FCN3: variants seen among roughly 807,000 people sequenced by gnomAD.
FCN3 encodes the protein ficolin 3.
A neutral mutation model predicts 31.5 loss-of-function variants in FCN3; 28 were observed. The ratio of observed to expected loss-of-function variants is 0.89; its 90% CI spans 0.66 to 1.22. FCN3 has a LOEUF of 1.22. Among genes scored for constraint, FCN3 ranks in the 50% most tolerant of loss-of-function variants. The pLI, the probability that FCN3 is intolerant of heterozygous loss-of-function variation, is 0.00. For missense variants in FCN3, 351 were observed against 386.8 expected, an observed-to-expected ratio of 0.91 and a Z score of 0.78; for synonymous variants, 124 against 147.4, an observed-to-expected ratio of 0.84 and a Z score of 1.15.
chr1:27,373,505 A>T lies in FCN3; in HGVS notation c.248T>A (p.Leu83Gln), dbSNP rs1446783531. Residue 83 changes from leucine (L) to glutamine (Q), a missense_variant, in exon 4 of 8, where the codon CTG (leucine) becomes CAG (glutamine). Transcript: ENST00000270879. ...TGCCTCACCTTCCTGGCACCGGAGCAGGTTCACTGGATCTCCTGCCCCAGA... is the reference window on the plus strand; with the variant it reads ...TGCCTCACCTTCCTGGCACCGGAGCTGGTTCACTGGATCTCCTGCCCCAGA... The part of the protein sequence containing the change: ...PKGEPGDPVN[L>Q]LRCQEGPRNC... 7.4e-6 allele frequency: 12 copies of T among 1,614,106 alleles called. No homozygotes were observed. The highest frequency in any genetic ancestry group is 9.3e-6 in the Non-Finnish European group (11 of 1,179,994).
chr1:27,370,847 G>A lies in FCN3; in HGVS notation c.519C>T (p.Leu173=). The part of the protein sequence containing the change: ...LGNENLHQLT[L]QGNWELRVEL... The stretch of plus-strand genomic sequence containing the variant: ...AGGACCCTGCTGGGAACTCACCCTG[G>A]AGAGTAAGCTGGTGCAAATTCTCAT... The change falls in exon 6 of 8, where the codon CTC becomes CTT. Residue 173 remains leucine, a synonymous_variant. Transcript: ENST00000270879. 1.2e-6 allele frequency: 2 copies of A among 1,614,120 alleles called. No individual in the cohort carries two copies. The highest frequency in any genetic ancestry group is 1.3e-5 in the African/African-American group (1 of 75,040).
rs369494256 is a variant in FCN3, at chr1:27,374,402, G to A, written c.141C>T (p.Pro47=). The A allele has an allele frequency of 2.5e-5, 40 of 1,613,714 alleles. No homozygotes were observed. Among genetic ancestry groups the A allele is most frequent in the African/African-American group, 9.4e-5 (7 of 74,842 alleles). ...ASKVVLLPSC[P]GAPGSPGEKG... is the part of the protein sequence containing the mutation. Reference sequence around the variant, plus strand: ...TCTCCCCAGGACTTCCTGGAGCTCCGGGACAACTGGGCAGGAGGACAACTT... The same window carrying A: ...TCTCCCCAGGACTTCCTGGAGCTCCAGGACAACTGGGCAGGAGGACAACTT... Residue 47 remains proline (P), a synonymous_variant, in exon 2 of 8, where the codon CCC becomes CCT. Coordinates refer to ENST00000270879, the MANE Select transcript of FCN3 (RefSeq NM_003665.4).
chr1:27,369,998 G>A (rs560441234), intron 7 of FCN3, among the ~76,000 whole-genome samples: 10 of 140,268 alleles, frequency 7.1e-5, no homozygotes, highest in African/African-American at 1.9e-4. Context: ...GCCTCCCTGC[G>A]CTCCCCCCGC....
intron 7 of FCN3, among the ~76,000 whole-genome samples, chr1:27,370,012 T>TC (rs1274000782): frequency 1.3e-5 from 2 of 149,256 alleles, no homozygotes; most frequent in Non-Finnish European, 3.0e-5. Flanking sequence ...CCCCCGCCTT[T>TC]TTTTTTTTTT....
chr1:27,371,258 A>C (rs997243677), intron 5 of FCN3, among the ~76,000 whole-genome samples: 4 of 152,032 alleles, frequency 2.6e-5, no homozygotes, highest in African/African-American at 9.7e-5. Context: ...GCTGGGTGTC[A>C]GTCAAAATAA....
chr1:27,370,494 G>T, intron 7 of FCN3, 102 bp downstream of exon 7: 1 of 983,516 alleles, frequency 1.0e-6, no homozygotes, highest in Non-Finnish European at 1.5e-6. Flanking sequence ...GGAAACTAAG[G>T]CCCACAGAGG....
intron 7 of FCN3, 125 bp downstream of exon 7, chr1:27,370,471 A>G (rs1390061330): frequency 4.9e-6 from 4 of 814,036 alleles, no homozygotes; most frequent in East Asian, 2.6e-5. Flanking sequence ...CATGATTGCC[A>G]TTTCTCAGAT....
chr1:27,369,476 C>A lies in FCN3; in HGVS notation c.660G>T (p.Gly220=). 6.2e-7 allele frequency: 1 copy of A among 1,613,004 alleles called. No homozygotes were observed. The highest frequency in any genetic ancestry group is 1.1e-5 in the South Asian group (1 of 91,060). Residue 220 remains glycine, a splice_region_variant and synonymous_variant, in exon 8 of 8, where the codon GGG becomes GGT. Transcript: ENST00000270879. ...ALGKFSEGTA[G]DSLSLHSGRP... is the part of the protein sequence containing the mutation. ...TCCCACTGTGGAGGCTCAGGGAATC[C>A]CCTAGCAGGGAAGGGATGGAAAGCA...
At chr1:27,373,797 G>A in intron 3 of FCN3, 168 bp downstream of exon 3, 1 of 694,672 alleles carries the variant, frequency 1.4e-6, no homozygotes, top group Admixed American at 2.5e-5. Flanking sequence ...CAATAGGAGG[G>A]CCATCATAGG....
intron 5 of FCN3, among the ~76,000 whole-genome samples, chr1:27,372,112 C>T (rs933266869): frequency 5.9e-5 from 9 of 152,106 alleles, no homozygotes; most frequent in Non-Finnish European, 1.2e-4. Flanking sequence ...AAACCATGTC[C>T]CTGCCTCCAC....
rs754670027 is a variant in FCN3, at chr1:27,374,370, G to A, written c.173C>T (p.Ala58Val). The change falls in exon 2 of 8, where the codon GCC becomes GTC. Residue 58 changes from alanine to valine, a missense_variant. Ala to Val is a moderately conservative substitution (Grantham distance 64). Transcript: ENST00000270879. ...GAPGSPGEKG[A>V]PGPQGPPGPP... ...GCCCCTCTCACCTTGAGGACCTGGG[G>A]CTCCCTTCTCCCCAGGACTTCCTGG... 3 of 1,612,436 alleles carry A rather than the reference G, an allele frequency of 1.9e-6. No homozygotes were observed. The highest frequency in any genetic ancestry group is 4.5e-5 in the East Asian group (2 of 44,862).
At position 27,374,741 on chromosome 1, in the gene FCN3, G is replaced by T. The variant is rs2016216796; in HGVS notation, c.78C>A (p.His26Gln). The T allele has an allele frequency of 2.1e-6, 3 of 1,399,334 alleles. No homozygotes were observed. The highest frequency in any genetic ancestry group is 2.8e-6 in the Non-Finnish European group (3 of 1,072,030). 86.7% of individuals were successfully genotyped at this position (1,399,334 alleles called of 1,614,324 possible). The part of the protein sequence containing the change: ...GGPACLKTQE[H>Q]PSCPGPRELE... ...CTAGGTGCCCACCTGGGCAGCTGGG[G>T]TGTTCCTGGGTCTTCAGGCAGGCAG... Residue 26 changes from histidine (H) to glutamine (Q), a missense_variant, in exon 1 of 8, where the codon CAC (histidine) becomes CAA (glutamine). Physicochemically the swap from His to Gln is conservative, Grantham distance 24. Coordinates refer to ENST00000270879, the MANE Select transcript of FCN3 (RefSeq NM_003665.4).
chr1:27,374,667 G>C, intron 1 of FCN3, 61 bp downstream of exon 1: 3 of 1,041,410 alleles, frequency 2.9e-6, no homozygotes, highest in Non-Finnish European at 4.1e-6. Flanking sequence ...AGCCTTGGTG[G>C]GGGGACACCC....
At position 27,370,634 on chromosome 1, in the gene FCN3, T is replaced by C. The variant is rs781053078; in HGVS notation, c.620A>G (p.Tyr207Cys). 113 of 1,614,096 alleles carry C rather than the reference T, an allele frequency of 7.0e-5. No homozygotes were observed. In the Middle Eastern group the frequency reaches 3.3e-3, roughly 47 times the overall value. The change falls in exon 7 of 8, where the codon TAC (tyrosine) becomes TGC (cysteine). Residue 207 changes from tyrosine to cysteine, a missense_variant. Coordinates refer to ENST00000270879, the MANE Select transcript of FCN3 (RefSeq NM_003665.4). ...TGAGAACTTGCCCAGTGCCAGCTGGTAGTGGTCTACCTCACCGAGGAGGCG... is the reference window on the plus strand; with the variant it reads ...TGAGAACTTGCCCAGTGCCAGCTGGCAGTGGTCTACCTCACCGAGGAGGCG... ...TFRLLGEVDH[Y>C]QLALGKFSEG...
At chr1:27,369,656 G>T (rs1161407074) in intron 7 of FCN3, among the ~76,000 whole-genome samples, 179 bp from the exon 8 acceptor site, 1 of 152,180 alleles carries the variant, frequency 6.6e-6, no homozygotes, top group Non-Finnish European at 1.5e-5. Context: ...GCAGCGGCAG[G>T]ACTTGAACTC....
chr1:27,373,619 C>T lies in FCN3; in HGVS notation c.233-99G>A, dbSNP rs1571091326. 13 of 1,259,768 alleles carry T rather than the reference C, an allele frequency of 1.0e-5. No homozygotes were observed. The East Asian group carries it at 3.2e-4, about 31-fold the overall frequency. 78.0% of individuals were successfully genotyped at this position (1,259,768 alleles called of 1,614,324 possible). On this transcript the variant is annotated intron_variant, in intron 3 of 7. Coordinates refer to ENST00000270879, the MANE Select transcript of FCN3 (RefSeq NM_003665.4). ...ACCCAGGCCCTTTTCCGAATCCTTC[C>T]CACTCCTCCCAGCCTTCCATACCCT...
At chr1:27,374,332 A>G (rs765030063) in intron 2 of FCN3, 24 bp downstream of exon 2, 4 of 1,554,136 alleles carry the variant, frequency 2.6e-6, no homozygotes, top group South Asian at 2.2e-5. Flanking sequence ...CCAAGATCCC[A>G]GCCCGCTCCC....
rs2016190319 is a variant in FCN3 at position 27,373,517 on chromosome 1, TC to T, written c.235del (p.Asp79IlefsTer3). ...CTGGCACCGGAGCAGGTTCACTGGA[TC>T]TCCTGCCCCAGAGAAGGGATGAGTG... The part of the protein sequence containing the change: ...GKMGPKGEPG[D>X]PVNLLRCQEG... On this transcript the variant is annotated frameshift_variant and splice_region_variant, in exon 4 of 8. Coordinates refer to ENST00000270879, the MANE Select transcript of FCN3 (RefSeq NM_003665.4). LOFTEE classifies it high-confidence loss of function. 1.9e-6 allele frequency: 3 copies of T among 1,613,994 alleles called. No individual in the cohort carries two copies. In the South Asian group the frequency reaches 3.3e-5, roughly 18 times the overall value.
rs968692705 is a variant in FCN3, at chr1:27,373,212, C to A, written c.317G>T (p.Trp106Leu). The A allele has an allele frequency of 6.2e-7, 1 of 1,613,978 alleles. No homozygotes were observed. The highest frequency in any genetic ancestry group is 8.5e-7 in the Non-Finnish European group (1 of 1,180,026). The change falls in exon 5 of 8, where the codon TGG (tryptophan) becomes TTG (leucine). Residue 106 changes from tryptophan to leucine, a missense_variant. By Grantham distance (61) the Trp-to-Leu change is moderately conservative (BLOSUM62 -2). Transcript: ENST00000270879. ...GCCCTCAGGTAGGCACAGATGGTACCAGCCGCTCAAGGTGGCGCCCTGGCT... is the reference window on the plus strand; with the variant it reads ...GCCCTCAGGTAGGCACAGATGGTACAAGCCGCTCAAGGTGGCGCCCTGGCT... ...LLSQGATLSG[W>L]YHLCLPEGRA...
Sources: gnomAD v4.1 joint callset for allele counts (sites outside exome capture counted in the v4.1 genomes callset) on GRCh38, gnomAD v4.1.1 for gene constraint, MANE v1.5 for transcripts, NCBI Gene and HGNC (gene_info 2026-07-23, HGNC 2026-07-21) for gene names.